CFAP46: variants seen among roughly 807,000 people sequenced by gnomAD.
The protein encoded by CFAP46 is cilia and flagella associated protein 46.
CFAP46 carries 245 observed loss-of-function variants against 325.7 expected under a neutral mutation model. That is an observed-to-expected ratio of 0.75 (90% confidence interval 0.68 to 0.84). The LOEUF is 0.84. CFAP46 is among the 40% of genes least tolerant of loss of function. The pLI is 0.00. For missense variants in CFAP46, 3,346 were observed against 3,543.0 expected (o/e 0.94, Z 1.41); for synonymous variants, 1,523 against 1,495.9 (o/e 1.02, Z -0.42).
At chr10:132,920,773 G>A (rs539926090) in intron 13 of CFAP46, among the ~76,000 whole-genome samples, 13 of 152,328 alleles carry the variant, frequency 8.5e-5, no homozygotes, top group African/African-American at 2.6e-4. Flanking sequence ...CCTGGAGCCC[G>A]TGCCGCCCTC....
intron 16 of CFAP46, 32 bp downstream of exon 16, chr10:132,918,361 A>C (rs1849669536): frequency 6.7e-7 from 1 of 1,493,860 alleles, no homozygotes; most frequent in Non-Finnish European, 9.0e-7. Context: ...GACGCACCTC[A>C]GCACCGATGA....
intron 39 of CFAP46, among the ~76,000 whole-genome samples, chr10:132,851,871 A>C (rs7090597): frequency 0.14 from 16,513 of 122,276 alleles, 1,276 homozygotes; most frequent in African/African-American, 0.29. Flanking sequence ...TTTACTTAGG[A>C]ATTCTCAGAT....
intron 27 of CFAP46, among the ~76,000 whole-genome samples, chr10:132,881,511 C>G (rs1189207643): frequency 1.3e-5 from 2 of 152,200 alleles, no homozygotes; most frequent in Non-Finnish European, 2.9e-5. Flanking sequence ...CAAGGCCTGG[C>G]CTGTGCAAAC....
rs1438393081 is a variant in CFAP46 at position 132,846,174 on chromosome 10, G to T, written c.6321C>A (p.Asn2107Lys). Residue 2107 changes from asparagine to lysine, a missense_variant, in exon 44 of 58, where the codon AAC becomes AAA. By Grantham distance (94) the Asn-to-Lys change is moderately conservative (BLOSUM62 0). Transcript: ENST00000368586. ...GGGCCGCCAGCTGTGAGCTGCTGGT[G>T]TTGGCTGTGGCTGCAAGCAGGACAT... ...MRDVLLAATANTSSSQLAALL... is the reference protein window; with the variant it reads ...MRDVLLAATAKTSSSQLAALL... The T allele has an allele frequency of 6.2e-7, 1 of 1,612,002 alleles. No individual in the cohort carries two copies. The highest frequency in any genetic ancestry group is 8.5e-7 in the Non-Finnish European group (1 of 1,179,618).
chr10:132,904,035 A>G (rs887757127), intron 22 of CFAP46, among the ~76,000 whole-genome samples: 2 of 152,262 alleles, frequency 1.3e-5, no homozygotes, highest in Non-Finnish European at 2.9e-5. Context: ...ACAGAAAGCC[A>G]TTTTTGCTAT....
chr10:132,922,756 G>A, intron 11 of CFAP46, 48 bp from the exon 12 acceptor site: 1 of 1,448,518 alleles, frequency 6.9e-7, no homozygotes, highest in Non-Finnish European at 9.4e-7. Flanking sequence ...CTGCGCCTCT[G>A]TCAGGCTGGG....
At chr10:132,900,853 G>C (rs567846423) in intron 22 of CFAP46, among the ~76,000 whole-genome samples, 1 of 152,252 alleles carries the variant, frequency 6.6e-6, no homozygotes, top group Non-Finnish European at 1.5e-5. Context: ...CAGCTGCTGA[G>C]AGAGGAATGT....
chr10:132,908,666 T>G, intron 21 of CFAP46, 32 bp from the exon 22 acceptor site: 1 of 1,500,734 alleles, frequency 6.7e-7, no homozygotes, highest in African/African-American at 1.4e-5. Flanking sequence ...AGGGGCACCG[T>G]GTTAGCAACA....
chr10:132,861,406 G>C (rs942500051), intron 35 of CFAP46, among the ~76,000 whole-genome samples: 4 of 152,260 alleles, frequency 2.6e-5, no homozygotes, highest in Admixed American at 2.6e-4. Context: ...CCCTCTGCCT[G>C]AGCTGAGCGG....
intron 45 of CFAP46, among the ~76,000 whole-genome samples, chr10:132,836,557 G>A (rs762668719): frequency 1.3e-5 from 2 of 152,238 alleles, no homozygotes; most frequent in Non-Finnish European, 2.9e-5. Context: ...TGACCTTCGG[G>A]TCCGGACGCC....
chr10:132,924,907 A>T, intron 10 of CFAP46, 21 bp from the exon 11 acceptor site: 3 of 1,364,126 alleles, frequency 2.2e-6, no homozygotes, highest in Non-Finnish European at 2.9e-6. Context: ...GACGTGGGGG[A>T]TTCTAGGGAG....
At chr10:132,872,937 A>G in intron 31 of CFAP46, 113 bp from the exon 32 acceptor site, 2 of 1,229,494 alleles carry the variant, frequency 1.6e-6, no homozygotes, top group South Asian at 2.9e-5. Flanking sequence ...ATGTCTGCAC[A>G]CAGCAGGTGC....
chr10:132,899,228 G>T, intron 23 of CFAP46, 107 bp from the exon 24 acceptor site: 1 of 1,240,038 alleles, frequency 8.1e-7, no homozygotes, highest in Non-Finnish European at 1.1e-6. Context: ...CCACACGCTC[G>T]CTCCCTCCTG....
At position 132,877,071 on chromosome 10, in the gene CFAP46, C is replaced by T. The variant is rs948177654; in HGVS notation, c.4213-110G>A. Reference sequence around the variant, plus strand: ...CATTCAGGCCACAGCCCTGGGCAGCCGGCATCCTCCCCACCACCAGGTCCC... The same window carrying T: ...CATTCAGGCCACAGCCCTGGGCAGCTGGCATCCTCCCCACCACCAGGTCCC... On this transcript the variant is annotated intron_variant, in intron 30 of 57. Transcript: ENST00000368586. The surrounding 1 kb of genome is among the most constrained non-coding windows in gnomAD (Gnocchi z 5.7). The T allele has an allele frequency of 3.9e-5, 42 of 1,082,952 alleles. No homozygotes were observed. Among genetic ancestry groups the T allele is most frequent in the East Asian group, 3.4e-4 (13 of 38,498 alleles). 67.1% of individuals were successfully genotyped at this position (1,082,952 alleles called of 1,614,324 possible). A position where few individuals can be genotyped will look rare whatever the true frequency, so the allele number is the denominator to read the frequency against.
rs984095365 is a variant in CFAP46, at chr10:132,919,708, G to A, written c.1731-266C>T. ...AGAAAGGCCACACAATCCACTCCCC[G>A]GGGGAGTGCACGGGACAGGCCTCCC... On this transcript the variant is annotated intron_variant, in intron 14 of 57. Coordinates refer to ENST00000368586, the MANE Select transcript of CFAP46 (RefSeq NM_001200049.3). The surrounding 1 kb of genome is among the most constrained non-coding windows in gnomAD (Gnocchi z 9.7). Among the ~76,000 whole-genome samples, 25 of 151,982 alleles carry A rather than the reference G, an allele frequency of 1.6e-4. No homozygotes were observed. Among genetic ancestry groups the A allele is most frequent in the Non-Finnish European group, 7.4e-5 (5 of 67,978 alleles).
intron 32 of CFAP46, among the ~76,000 whole-genome samples, chr10:132,871,482 A>C (rs775038357): frequency 6.6e-5 from 10 of 152,284 alleles, no homozygotes; most frequent in Non-Finnish European, 1.0e-4. Flanking sequence ...CATTAAGAAC[A>C]TTCCTGATTC....
At chr10:132,843,623 G>T (rs144007312) in intron 44 of CFAP46, among the ~76,000 whole-genome samples, 6,732 of 82,778 alleles carry the variant, frequency 0.081, 736 homozygotes, top group African/African-American at 0.19. Flanking sequence ...CTCTGGTCTC[G>T]GTGAGTGTTC....
Position 132,934,733 on chromosome 10 carries a change from GA to G in CFAP46, c.866+18del. On this transcript the variant is annotated intron_variant, in intron 8 of 57. Transcript: ENST00000368586. ...CAACGATTATGAAGATGTGATATTG[GA>G]AAAATACAAACACTTACTTTTCTTC... 1.4e-6 allele frequency: 2 copies of G among 1,475,786 alleles called. No individual in the cohort carries two copies. Among genetic ancestry groups the G allele is most frequent in the Non-Finnish European group, 1.9e-6 (2 of 1,061,998 alleles). The allele number at this position is 1,475,786 out of a possible 1,614,324, so 91.4% of individuals were successfully genotyped here.
At chr10:132,883,768 C>T (rs1210420341) in intron 27 of CFAP46, among the ~76,000 whole-genome samples, 3 of 152,308 alleles carry the variant, frequency 2.0e-5, no homozygotes, top group Admixed American at 6.5e-5. Context: ...CAGTCCTAAA[C>T]GGGAATGATG....
Sources: allele counts gnomAD v4.1 joint callset (sites outside exome capture counted in the v4.1 genomes callset), GRCh38; gene constraint gnomAD v4.1.1; non-coding constraint Gnocchi (gnomAD v3.1); transcripts MANE v1.5; gene names NCBI Gene and HGNC (gene_info 2026-07-23, HGNC 2026-07-21).